Variants in ACYP2 observed in about 807,000 individuals in gnomAD.
ACYP2 encodes acylphosphatase 2.
A neutral mutation model predicts 11.2 loss-of-function variants in ACYP2; 12 were observed. The observed-to-expected ratio is 1.08, with a 90% CI of 0.69 to 1.74. The LOEUF (loss-of-function observed/expected upper bound fraction) is 1.74. Ranked by LOEUF, ACYP2 falls within the 40% of genes most tolerant of loss-of-function variation. The pLI is 0.00. For synonymous variants in ACYP2, 43 were observed against 32.2 expected (o/e 1.33, Z -1.13); for missense variants, 134 against 101.9 (o/e 1.31, Z -1.35).
chr2:54,234,903 A>G (rs1686402970), intron 6 of ACYP2, among the ~76,000 whole-genome samples: 1 of 152,184 alleles, frequency 6.6e-6, no homozygotes, highest in South Asian at 2.1e-4. Context: ...AGCAGAATTC[A>G]TGTTCCTCTG....
intron 4 of ACYP2, among the ~76,000 whole-genome samples, chr2:54,085,736 G>C (rs1359867297): frequency 6.6e-6 from 1 of 152,176 alleles, no homozygotes; most frequent in Non-Finnish European, 1.5e-5. Context: ...CAGAGAGAGA[G>C]AGGTGGGAGG....
intron 3 of ACYP2, chr2:54,051,794 C>A: frequency 2.4e-6 from 1 of 416,272 alleles, no homozygotes; most frequent in Non-Finnish European, 4.4e-6. Flanking sequence ...CCTGTAATCC[C>A]GGCACTTTGG....
At chr2:54,191,513 G>A (rs1234426485) in intron 6 of ACYP2, among the ~76,000 whole-genome samples, 1 of 152,210 alleles carries the variant, frequency 6.6e-6, no homozygotes, top group African/African-American at 2.4e-5. Flanking sequence ...TTCACTAGCT[G>A]TGTGACCTTG....
chr2:54,110,343 A>G (rs1238183710), intron 4 of ACYP2, among the ~76,000 whole-genome samples: 7 of 152,214 alleles, frequency 4.6e-5, no homozygotes, highest in Non-Finnish European at 1.0e-4. Context: ...TAAGGCCTTT[A>G]AAGAATATAC....
At chr2:54,296,942 T>C (rs1360084552) in intron 6 of ACYP2, among the ~76,000 whole-genome samples, 1 of 152,192 alleles carries the variant, frequency 6.6e-6, no homozygotes, top group Non-Finnish European at 1.5e-5. Context: ...GATTCAGATT[T>C]ACCGCAGAAA....
chr2:54,113,960 C>T (rs187085874), intron 4 of ACYP2, among the ~76,000 whole-genome samples: 11 of 152,188 alleles, frequency 7.2e-5, no homozygotes, highest in Non-Finnish European at 1.5e-4. Context: ...AGTTAAGTTA[C>T]GAGGTCTCTG....
chr2:53,980,358 A>G (rs1671688200), intron 2 of ACYP2, among the ~76,000 whole-genome samples: 1 of 151,928 alleles, frequency 6.6e-6, no homozygotes, highest in South Asian at 2.1e-4. Flanking sequence ...GTCTCAAAAA[A>G]AAAATTTTTT....
At chr2:54,257,136 G>A (rs1687592647) in intron 6 of ACYP2, among the ~76,000 whole-genome samples, 1 of 152,122 alleles carries the variant, frequency 6.6e-6, no homozygotes. Context: ...CACTTTGAGA[G>A]GCGGAGACGG....
intron 6 of ACYP2, among the ~76,000 whole-genome samples, chr2:54,206,543 T>A (rs974422183): frequency 1.3e-5 from 2 of 152,224 alleles, no homozygotes; most frequent in Non-Finnish European, 2.9e-5. Context: ...TCAGAATGAA[T>A]GTACTAAAAG....
intron 6 of ACYP2, among the ~76,000 whole-genome samples, chr2:54,189,515 T>C (rs905320341): frequency 5.3e-5 from 8 of 152,188 alleles, no homozygotes; most frequent in Non-Finnish European, 1.0e-4. Flanking sequence ...AAAGGCCAAA[T>C]TACATATTCT....
chr2:54,288,726 T>C lies in ACYP2; in HGVS notation c.405-15962T>C, dbSNP rs188193259. 4.2e-3 allele frequency among the ~76,000 whole-genome samples: 639 copies of C among 152,120 alleles called. 19 individuals carry two copies. The highest frequency in any genetic ancestry group is 0.015 in the African/African-American group (610 of 41,376). ...TTTGGCAACTCCACCGATGTAACGG[T>C]GCCTTGTAGGATCCCACAGAAAGCT... is the stretch of plus-strand genomic sequence containing the variant. On this transcript the variant is annotated intron_variant, in intron 6 of 6. Transcript: ENST00000607452.
At chr2:54,198,339 A>C (rs898323974) in intron 6 of ACYP2, among the ~76,000 whole-genome samples, 1 of 151,910 alleles carries the variant, frequency 6.6e-6, no homozygotes, top group African/African-American at 2.4e-5. Flanking sequence ...TAAAAAGAAC[A>C]CTCTGGCTGC....
chr2:54,112,921 GT>G (rs903595007), intron 4 of ACYP2, among the ~76,000 whole-genome samples: 3 of 152,190 alleles, frequency 2.0e-5, no homozygotes, highest in African/African-American at 7.2e-5. Context: ...ATTGGCAGGG[GT>G]ACTCTTGGGT....
At chr2:54,280,679 T>C (rs184639286) in intron 6 of ACYP2, among the ~76,000 whole-genome samples, 50 of 152,348 alleles carry the variant, frequency 3.3e-4, no homozygotes, top group Admixed American at 2.5e-3. Context: ...TATATGCCTT[T>C]CATTTAGCAA....
chr2:53,988,344 A>G (rs1672126373), intron 2 of ACYP2, among the ~76,000 whole-genome samples: 1 of 152,166 alleles, frequency 6.6e-6, no homozygotes, highest in African/African-American at 2.4e-5. Flanking sequence ...GTGGCATGAC[A>G]TTTAGGTCAA....
chr2:54,039,868 T>TGTGG (rs1675131832), intron 2 of ACYP2, among the ~76,000 whole-genome samples: 1 of 147,008 alleles, frequency 6.8e-6, no homozygotes, highest in African/African-American at 2.6e-5. Context: ...TGTGTGTGTG[T>TGTGG]GTTTTGAGAC....
intron 3 of ACYP2, chr2:54,051,460 A>C: frequency 1.4e-6 from 1 of 693,550 alleles, no homozygotes; most frequent in Non-Finnish European, 2.6e-6. Context: ...GGTGACAAAA[A>C]AGAAGTTTGA....
chr2:54,047,901 T>C (rs1675610578), intron 2 of ACYP2, among the ~76,000 whole-genome samples: 1 of 152,166 alleles, frequency 6.6e-6, no homozygotes, highest in Non-Finnish European at 1.5e-5. Context: ...AGAAGAAAAC[T>C]CGTCAATGGC....
chr2:54,266,743 C>T (rs1307198584), intron 6 of ACYP2, among the ~76,000 whole-genome samples: 2 of 151,256 alleles, frequency 1.3e-5, no homozygotes, highest in Non-Finnish European at 2.9e-5. Context: ...GTAGCTGGTA[C>T]TACAGGCTCC....
Sources: gnomAD v4.1 joint callset for allele counts (sites outside exome capture counted in the v4.1 genomes callset) on GRCh38, gnomAD v4.1.1 for gene constraint, MANE v1.5 for transcripts, NCBI Gene and HGNC (gene_info 2026-07-23, HGNC 2026-07-21) for gene names.